ELP6: variants seen among roughly 807,000 people sequenced by gnomAD.
The protein encoded by ELP6 is elongator complex protein 6.
In ELP6, 23 loss-of-function variants were observed where a neutral mutation model predicts 28.1. The observed-to-expected ratio is 0.82, with a 90% CI of 0.59 to 1.16. ELP6 has a LOEUF of 1.16. Ranked by LOEUF, ELP6 falls within the 50% of genes most tolerant of loss-of-function variation. The pLI is 0.00. For synonymous variants in ELP6, 132 were observed against 135.8 expected (o/e 0.97, Z 0.19); for missense variants, 313 against 334.6 (o/e 0.94, Z 0.50).
At chr3:47,498,542 A>C (rs1576337447) in intron 5 of ELP6, 110 bp from the exon 6 acceptor site, 3 of 1,531,980 alleles carry the variant, frequency 2.0e-6, no homozygotes, top group Non-Finnish European at 1.8e-6. Flanking sequence ...CTCACAGATC[A>C]CCCTCCCTGC....
chr3:47,507,788 G>A (rs1708885242), intron 3 of ELP6, among the ~76,000 whole-genome samples: 2 of 152,132 alleles, frequency 1.3e-5, no homozygotes, highest in Admixed American at 6.6e-5. Flanking sequence ...CAGGGAAAAA[G>A]ACTCCTGATC....
chr3:47,498,081 C>T, intron 6 of ELP6: 1 of 1,393,640 alleles, frequency 7.2e-7, no homozygotes, highest in Middle Eastern at 1.9e-4. Flanking sequence ...CAAATGGGAC[C>T]CCCATGGAAA....
Position 47,495,848 on chromosome 3 carries a change from T to TC in ELP6, c.*220dup, listed in dbSNP as rs1708465309. 1.6e-6 allele frequency: 1 copy of TC among 634,460 alleles called. No homozygotes were observed. The highest frequency in any genetic ancestry group is 1.9e-5 in the African/African-American group (1 of 52,796). 39.3% of individuals were successfully genotyped at this position (634,460 alleles called of 1,614,324 possible). A position where few individuals can be genotyped will look rare whatever the true frequency, so the allele number is the denominator to read the frequency against. ...TCACTTGGGTCTAGCATCCAGCCTC[T>TC]CTCTCAGCAAAGGCAGGATTGTGGT... On this transcript the variant is annotated 3_prime_UTR_variant, in exon 7 of 7. Transcript: ENST00000296149.
intron 5 of ELP6, among the ~76,000 whole-genome samples, chr3:47,500,643 G>A (rs1049043068): frequency 1.3e-5 from 2 of 152,124 alleles, no homozygotes; most frequent in African/African-American, 4.8e-5. Context: ...GCTACTTACT[G>A]TCACCCCCTA....
chr3:47,500,519 T>C (rs577901676), intron 5 of ELP6: 6 of 152,366 alleles, frequency 3.9e-5, no homozygotes, highest in African/African-American at 1.4e-4. Context: ...TTCCTTCTTT[T>C]TCTCTTTTTT....
At chr3:47,507,122 G>C (rs1353178453) in intron 3 of ELP6, among the ~76,000 whole-genome samples, 1 of 152,140 alleles carries the variant, frequency 6.6e-6, no homozygotes, top group East Asian at 1.9e-4. Context: ...CAGCACTTTG[G>C]GAGGCTGAGG....
Position 47,513,554 on chromosome 3 carries a change from G to T in ELP6, c.37C>A (p.Pro13Thr). 1 of 1,613,026 alleles carries T rather than the reference G, an allele frequency of 6.2e-7. No homozygotes were observed. The highest frequency in any genetic ancestry group is 1.1e-5 in the South Asian group (1 of 90,880). The change falls in exon 1 of 7, where the codon CCC (proline) becomes ACC (threonine). Residue 13 changes from proline (P) to threonine (T), a missense_variant. By Grantham distance (38) the Pro-to-Thr change is conservative (BLOSUM62 -1). Coordinates refer to ENST00000296149, the MANE Select transcript of ELP6 (RefSeq NM_001031703.3). Reference protein sequence around the residue: ...VELNNLLNTTPDRAEQGKLTL... With the variant: ...VELNNLLNTTTDRAEQGKLTL... Reference sequence around the variant, plus strand: ...CCTCTTACCTGCTCCGCCCTGTCGGGGGTGGTGTTAAGCAGGTTATTAAGT... The same window carrying T: ...CCTCTTACCTGCTCCGCCCTGTCGGTGGTGGTGTTAAGCAGGTTATTAAGT...
At chr3:47,513,157 A>AT (rs1257660542) in intron 1 of ELP6, 1 of 902,174 alleles carries the variant, frequency 1.1e-6, no homozygotes, top group Admixed American at 6.0e-5. Flanking sequence ...CGCCCGGCTA[A>AT]TTTTTGTATT....
In ELP6 at chr3:47,504,213, C is replaced by T. The variant is rs556286584; in HGVS notation, c.323+117G>A. The T allele has an allele frequency of 9.7e-5, 125 of 1,293,794 alleles. No individual in the cohort carries two copies. In the African/African-American group the frequency reaches 1.8e-3, roughly 19 times the overall value. The allele number at this position is 1,293,794 out of a possible 1,614,324, so 80.1% of individuals were successfully genotyped here. On this transcript the variant is annotated intron_variant, in intron 4 of 6. Transcript: ENST00000296149. ...CTGCAACACCAGATGAAGTGTCTGACTCCTGAAGCCAGTTCCATCCTCCTG... is the reference window on the plus strand; with the variant it reads ...CTGCAACACCAGATGAAGTGTCTGATTCCTGAAGCCAGTTCCATCCTCCTG...
In ELP6 at chr3:47,501,807, C is replaced by G; in HGVS notation, c.368G>C (p.Arg123Pro). 1.2e-6 allele frequency: 2 copies of G among 1,614,018 alleles called. No homozygotes were observed. Among genetic ancestry groups the G allele is most frequent in the Non-Finnish European group, 1.7e-6 (2 of 1,180,012 alleles). ...GNLKPLFEFVREALKPVDSGE... is the reference protein window; with the variant it reads ...GNLKPLFEFVPEALKPVDSGE... ...ACTGTCTACTGGCTTCAGGGCCTCCCGTACAAACTCAAACAATGGTTTCAA... is the reference window on the plus strand; with the variant it reads ...ACTGTCTACTGGCTTCAGGGCCTCCGGTACAAACTCAAACAATGGTTTCAA... Residue 123 changes from arginine to proline, a missense_variant, in exon 5 of 7, where the codon CGG becomes CCG. Physicochemically the swap from Arg to Pro is moderately radical, Grantham distance 103. Transcript: ENST00000296149.
chr3:47,511,393 T>G, intron 1 of ELP6, 167 bp from the exon 2 acceptor site: 1 of 1,415,782 alleles, frequency 7.1e-7, no homozygotes, highest in Non-Finnish European at 9.2e-7. Context: ...TAAGTCAAAA[T>G]TATGGAAAAT....
chr3:47,496,152 C>G lies in ELP6; in HGVS notation c.718G>C (p.Asp240His). The change falls in exon 7 of 7, where the codon GAT (aspartate) becomes CAT (histidine). Residue 240 changes from aspartate to histidine, a missense_variant. By Grantham distance (81) the Asp-to-His change is moderately conservative (BLOSUM62 -1). Transcript: ENST00000296149. ...RRPSQPAVHR[D>H]QSFTYQYKIQ... ...TTATACTGGTAAGTGAAGCTCTGAT[C>G]CCGGTGGACTGCGGGCTGCGATGGT... 1.2e-6 allele frequency: 2 copies of G among 1,614,134 alleles called. No individual in the cohort carries two copies. Among genetic ancestry groups the G allele is most frequent in the Non-Finnish European group, 1.7e-6 (2 of 1,180,036 alleles).
chr3:47,501,116 G>T (rs553966958), intron 5 of ELP6, among the ~76,000 whole-genome samples: 1 of 152,252 alleles, frequency 6.6e-6, no homozygotes, highest in East Asian at 1.9e-4. Context: ...ACATCTAAAT[G>T]ATCACAACCA....
chr3:47,502,647 C>A (rs952933264), intron 4 of ELP6: 3 of 747,632 alleles, frequency 4.0e-6, no homozygotes, highest in Non-Finnish European at 4.9e-6. Context: ...ACAGCCTAGG[C>A]AACAGAGTGG....
chr3:47,501,505 G>C (rs984936559), intron 5 of ELP6, 145 bp downstream of exon 5: 3 of 726,684 alleles, frequency 4.1e-6, no homozygotes, highest in East Asian at 2.7e-5. Flanking sequence ...GGGAAAACAG[G>C]GTGGCTGCAA....
In ELP6 at chr3:47,502,666, C is replaced by T. The variant is rs984412389; in HGVS notation, c.324-815G>A. 7 of 621,554 alleles carry T rather than the reference C, an allele frequency of 1.1e-5. No homozygotes were observed. In the African/African-American group the frequency reaches 1.2e-4, roughly 11 times the overall value. 38.5% of individuals were successfully genotyped at this position (621,554 alleles called of 1,614,324 possible). On this transcript the variant is annotated intron_variant, in intron 4 of 6. Coordinates refer to ENST00000296149, the MANE Select transcript of ELP6 (RefSeq NM_001031703.3). ...CCTAGGCAACAGAGTGGGACTATAC[C>T]TCTACAAAAAAAAATTTTTTTAAAT...
rs776846659 is a variant in ELP6 at position 47,501,710 on chromosome 3, C to T, written c.465G>A (p.Gly155=). 8 of 1,613,932 alleles carry T rather than the reference C, an allele frequency of 5.0e-6. No individual in the cohort carries two copies. The East Asian group carries it at 1.8e-4, about 36-fold the overall frequency. Residue 155 remains glycine (G), a synonymous_variant, in exon 5 of 7, where the codon GGG becomes GGA. Coordinates refer to ENST00000296149, the MANE Select transcript of ELP6 (RefSeq NM_001031703.3). ...DLSVLLSLGM[G]AVAVLDFIHY... ...GAATGAAGTCTAGCACAGCCACCGC[C>T]CCCATGCCCAGGCTCAGGAGCACAC...
intron 6 of ELP6, chr3:47,496,596 G>C (rs1708487866): frequency 1.4e-6 from 1 of 711,294 alleles, no homozygotes; most frequent in South Asian, 6.4e-5. Context: ...CCTAGGTTCA[G>C]GCAATTCTCC....
chr3:47,502,687 T>TTTGTAG, intron 4 of ELP6: 1 of 381,700 alleles, frequency 2.6e-6, no homozygotes, highest in Non-Finnish European at 3.6e-6. Context: ...AAAATTTTTT[T>TTTGTAG]AAATTAGCCA....
Sources: gnomAD v4.1 joint callset for allele counts (sites outside exome capture counted in the v4.1 genomes callset) on GRCh38, gnomAD v4.1.1 for gene constraint, MANE v1.5 for transcripts, NCBI Gene and HGNC (gene_info 2026-07-23, HGNC 2026-07-21) for gene names.